TPST1: variants seen among roughly 807,000 people sequenced by gnomAD.
TPST1 encodes the protein tyrosylprotein sulfotransferase 1, also known as protein-tyrosine sulfotransferase 1.
TPST1 carries 20 observed loss-of-function variants against 34.8 expected under a neutral mutation model. The observed-to-expected ratio is 0.57, with a 90% CI of 0.40 to 0.84. TPST1 has a LOEUF of 0.84. Among genes scored for constraint, TPST1 ranks in the 40% least tolerant of loss-of-function variants. The pLI is 0.00. For missense variants in TPST1, 353 were observed against 455.5 expected (o/e 0.78, Z 2.05); for synonymous variants, 152 against 159.4 (o/e 0.95, Z 0.35).
intron 3 of TPST1, among the ~76,000 whole-genome samples, chr7:66,338,457 A>C (rs886860376): frequency 1.3e-5 from 2 of 152,182 alleles, no homozygotes; most frequent in East Asian, 3.8e-4. Flanking sequence ...TAGACATTAA[A>C]CTGTACTCTG....
intron 1 of TPST1, among the ~76,000 whole-genome samples, chr7:66,215,165 C>T (rs1001366348): frequency 1.3e-5 from 2 of 149,240 alleles, no homozygotes; most frequent in Admixed American, 6.7e-5. Context: ...AGCCATTCTC[C>T]TGCCTCAGCC....
rs867457229 is a variant in TPST1, at chr7:66,241,098, C to T, written c.673C>T (p.Gln225Ter). Reference protein sequence around the residue: ...WNRAIETMYNQCMEVGYKKCM... With the variant: ...WNRAIETMYN Reference sequence around the variant, plus strand: ...TCGTGCTATAGAGACCATGTATAACCAGTGTATGGAGGTTGGTTATAAAAA... The same window carrying T: ...TCGTGCTATAGAGACCATGTATAACTAGTGTATGGAGGTTGGTTATAAAAA... The change falls in exon 2 of 6, where the codon CAG (glutamine) becomes TAG (stop). Residue 225 changes from glutamine (Q) to a stop codon, truncating the protein, a stop_gained. Transcript: ENST00000304842. LOFTEE classifies it high-confidence loss of function. 6.2e-7 allele frequency: 1 copy of T among 1,614,122 alleles called. No individual in the cohort carries two copies. The highest frequency in any genetic ancestry group is 8.5e-7 in the Non-Finnish European group (1 of 1,180,008).
chr7:66,331,623 A>G (rs1282082513), intron 3 of TPST1, among the ~76,000 whole-genome samples: 2 of 152,210 alleles, frequency 1.3e-5, no homozygotes, highest in African/African-American at 4.8e-5. Context: ...GAAAATTAGC[A>G]ATTGTGTGTT....
chr7:66,215,194 A>G (rs1186922674), intron 1 of TPST1, among the ~76,000 whole-genome samples: 1 of 149,018 alleles, frequency 6.7e-6, no homozygotes, highest in Admixed American at 6.7e-5. Context: ...AGCTGGAACT[A>G]CAGGCACGTG....
rs376395053 is a variant in TPST1, at chr7:66,293,474, G to T, written c.1044+6765G>T. Among the ~76,000 whole-genome samples, 3 of 152,256 alleles carry T rather than the reference G, an allele frequency of 2.0e-5. No homozygotes were observed. In the East Asian group the frequency reaches 5.8e-4, roughly 29 times the overall value. ...GCTGAGAGTATGCCACTGTACTGTA[G>T]CCTGGGTGACAGAGCAAGACCCCGT... On this transcript the variant is annotated intron_variant, in intron 3 of 5. Coordinates refer to ENST00000304842, the MANE Select transcript of TPST1 (RefSeq NM_003596.4).
At chr7:66,313,156 C>T (rs1160092817) in intron 3 of TPST1, among the ~76,000 whole-genome samples, 1 of 152,042 alleles carries the variant, frequency 6.6e-6, no homozygotes, top group African/African-American at 2.4e-5. Context: ...TGGCTCATGC[C>T]TGTAATCCCA....
intron 1 of TPST1, among the ~76,000 whole-genome samples, chr7:66,223,058 C>G (rs927320149): frequency 1.3e-5 from 2 of 152,048 alleles, no homozygotes; most frequent in Non-Finnish European, 2.9e-5. Context: ...CAGACTAGAG[C>G]CCAGGTCTTC....
chr7:66,266,558 A>G lies in TPST1; in HGVS notation c.846-19953A>G, dbSNP rs368528231. Among the ~76,000 whole-genome samples, 43 of 152,384 alleles carry G rather than the reference A, an allele frequency of 2.8e-4. 1 individual carries two copies. In the East Asian group the frequency reaches 6.5e-3, roughly 23 times the overall value. Reference sequence around the variant, plus strand: ...AGAAGTTATACACTTTAAAAATTACACTAAAAGACTTACAGAAGAATATTT... The same window carrying G: ...AGAAGTTATACACTTTAAAAATTACGCTAAAAGACTTACAGAAGAATATTT... On this transcript the variant is annotated intron_variant, in intron 2 of 5. Coordinates refer to ENST00000304842, the MANE Select transcript of TPST1 (RefSeq NM_003596.4).
intron 2 of TPST1, among the ~76,000 whole-genome samples, chr7:66,256,451 C>T (rs1233651825): frequency 6.6e-6 from 1 of 152,140 alleles, no homozygotes; most frequent in Non-Finnish European, 1.5e-5. Flanking sequence ...CATCAGGGCT[C>T]GACTGGGGAA....
intron 3 of TPST1, among the ~76,000 whole-genome samples, chr7:66,329,578 G>A (rs1791955747): frequency 6.6e-6 from 1 of 152,064 alleles, no homozygotes; most frequent in Non-Finnish European, 1.5e-5. Context: ...TATATGACTG[G>A]CGTTTCTCCA....
intron 4 of TPST1, chr7:66,352,973 G>A (rs1792512039): frequency 1.0e-6 from 1 of 985,310 alleles, no homozygotes; most frequent in Non-Finnish European, 1.2e-6. Context: ...GAGCCCAGAT[G>A]ACTTATATAT....
Position 66,286,549 on chromosome 7 carries a change from A to G in TPST1, c.884A>G (p.Asn295Ser), listed in dbSNP as rs748306471. 8.1e-6 allele frequency: 13 copies of G among 1,605,946 alleles called. No homozygotes were observed. The highest frequency in any genetic ancestry group is 5.5e-5 in the South Asian group (5 of 90,192). ...ACAGACCAAGTAATCAAGCCAGTCAATGTAGGAGCTCTATCAAAATGGGTT... is the reference window on the plus strand; with the variant it reads ...ACAGACCAAGTAATCAAGCCAGTCAGTGTAGGAGCTCTATCAAAATGGGTT... ...RSTDQVIKPVNVGALSKWVGK... is the reference protein window; with the variant it reads ...RSTDQVIKPVSVGALSKWVGK... Residue 295 changes from asparagine to serine, a missense_variant, in exon 3 of 6, where the codon AAT (asparagine) becomes AGT (serine). Transcript: ENST00000304842.
At chr7:66,248,720 A>G (rs542487073) in intron 2 of TPST1, among the ~76,000 whole-genome samples, 3 of 152,068 alleles carry the variant, frequency 2.0e-5, no homozygotes, top group Non-Finnish European at 2.9e-5. Flanking sequence ...TCACCATGTT[A>G]GCCAGGATGG....
intron 3 of TPST1, among the ~76,000 whole-genome samples, chr7:66,327,572 A>C (rs1015953503): frequency 2.6e-5 from 4 of 151,992 alleles, no homozygotes; most frequent in African/African-American, 9.7e-5. Context: ...AAAATACAAA[A>C]ATTAGCTAGG....
At chr7:66,218,019 A>G (rs1194598529) in intron 1 of TPST1, among the ~76,000 whole-genome samples, 2 of 152,098 alleles carry the variant, frequency 1.3e-5, no homozygotes, top group Non-Finnish European at 1.5e-5. Context: ...AGCTGCGATT[A>G]CAGGCACCCA....
intron 2 of TPST1, among the ~76,000 whole-genome samples, chr7:66,247,945 T>C (rs1790185128): frequency 6.6e-6 from 1 of 152,222 alleles, no homozygotes; most frequent in Non-Finnish European, 1.5e-5. Flanking sequence ...CAGCTAAGCT[T>C]AGTCCCACCT....
chr7:66,224,901 CTTTTTTTTTTTT>C (rs780952403), intron 1 of TPST1, among the ~76,000 whole-genome samples: 25 of 42,408 alleles, frequency 5.9e-4, no homozygotes, highest in South Asian at 2.9e-3. Context: ...TTCTGGTATT[CTTTTTTTTTTTT>C]TTTTTTTTTT....
chr7:66,237,386 C>G (rs1789932595), intron 1 of TPST1, among the ~76,000 whole-genome samples: 1 of 152,160 alleles, frequency 6.6e-6, no homozygotes, highest in South Asian at 2.1e-4. Flanking sequence ...TGGTGGATTT[C>G]CAGAGCACTG....
intron 3 of TPST1, among the ~76,000 whole-genome samples, chr7:66,318,088 G>A (rs1791671397): frequency 6.6e-6 from 1 of 152,126 alleles, no homozygotes; most frequent in Admixed American, 6.6e-5. Context: ...GAACCTGGAG[G>A]CAGAGGTTAC....
Sources: allele counts gnomAD v4.1 joint callset (sites outside exome capture counted in the v4.1 genomes callset), GRCh38; gene constraint gnomAD v4.1.1; transcripts MANE v1.5; gene names NCBI Gene and HGNC (gene_info 2026-07-23, HGNC 2026-07-21).